KHDRBS3: variants seen among roughly 807,000 people sequenced by gnomAD.
KHDRBS3 encodes KH RNA binding domain containing, signal transduction associated 3, also known as KH domain-containing, RNA-binding, signal transduction-associated protein 3.
A neutral mutation model predicts 45.6 loss-of-function variants in KHDRBS3; 23 were observed. That is an observed-to-expected ratio of 0.50 (90% CI 0.36 to 0.72). The LOEUF (loss-of-function observed/expected upper bound fraction) is 0.72, where lower values mean the gene tolerates loss of function less well. Ranked by LOEUF, KHDRBS3 falls within the 30% of genes least tolerant of loss-of-function variation. The probability of loss-of-function intolerance (pLI) is 0.00; values close to 1 mark genes in which losing one functional copy is unlikely to be tolerated. For synonymous variants in KHDRBS3, 162 were observed against 156.5 expected (o/e 1.04, Z -0.26); for missense variants, 352 against 424.8 (o/e 0.83, Z 1.51).
intron 5 of KHDRBS3, among the ~76,000 whole-genome samples, chr8:135,563,657 G>C (rs73712064): frequency 0.014 from 2,097 of 152,292 alleles, 39 homozygotes; most frequent in African/African-American, 0.048. Flanking sequence ...ACATTCTTTA[G>C]CCTCTTTCTG....
At chr8:135,555,511 G>A (rs574164608) in intron 4 of KHDRBS3, among the ~76,000 whole-genome samples, 110 of 151,968 alleles carry the variant, frequency 7.2e-4, no homozygotes, top group Non-Finnish European at 1.2e-3. Flanking sequence ...TATAGTTTTA[G>A]TTATTTACAG....
At chr8:135,558,914 C>G (rs1008907853) in intron 5 of KHDRBS3, among the ~76,000 whole-genome samples, 10 of 152,128 alleles carry the variant, frequency 6.6e-5, no homozygotes, top group African/African-American at 1.7e-4. Flanking sequence ...AGGGGAGATT[C>G]CTTTCCGTGT....
intron 2 of KHDRBS3, among the ~76,000 whole-genome samples, chr8:135,521,736 A>G (rs1339333870): frequency 2.6e-5 from 4 of 151,870 alleles, no homozygotes; most frequent in Non-Finnish European, 4.4e-5. Flanking sequence ...TTTAAATGCT[A>G]TTTTTCTTTT....
intron 7 of KHDRBS3, among the ~76,000 whole-genome samples, chr8:135,615,229 G>C (rs763763365): frequency 4.0e-5 from 6 of 151,764 alleles, no homozygotes; most frequent in Non-Finnish European, 8.8e-5. Flanking sequence ...GCTGACTAAA[G>C]TTTAGCCAAG....
chr8:135,506,648 C>T (rs1368899820), intron 1 of KHDRBS3, among the ~76,000 whole-genome samples: 3 of 152,028 alleles, frequency 2.0e-5, no homozygotes, highest in Non-Finnish European at 4.4e-5. Flanking sequence ...GTGATCCTCC[C>T]GCCTCAGCCT....
chr8:135,506,306 G>T (rs939084551), intron 1 of KHDRBS3, among the ~76,000 whole-genome samples: 2 of 152,048 alleles, frequency 1.3e-5, no homozygotes, highest in African/African-American at 4.8e-5. Flanking sequence ...TAGTCAGCAG[G>T]ACAGATGATA....
At chr8:135,467,796 T>G (rs78753601) in intron 1 of KHDRBS3, among the ~76,000 whole-genome samples, 1,554 of 152,382 alleles carry the variant, frequency 0.01, 21 homozygotes, top group African/African-American at 0.033. Context: ...ACTACTTTCC[T>G]TTGGTAATTA....
intron 1 of KHDRBS3, among the ~76,000 whole-genome samples, chr8:135,498,076 T>A (rs1354950263): frequency 6.6e-6 from 1 of 152,044 alleles, no homozygotes; most frequent in African/African-American, 2.4e-5. Context: ...TAAAGGATGA[T>A]GCATGGCTCT....
At chr8:135,625,232 C>T (rs753352687) in intron 7 of KHDRBS3, 26 of 1,388,128 alleles carry the variant, frequency 1.9e-5, no homozygotes, top group Non-Finnish European at 2.7e-5. Flanking sequence ...TCAGATGTCA[C>T]AAAGCCTTCA....
At chr8:135,613,934 G>T (rs536677189) in intron 7 of KHDRBS3, among the ~76,000 whole-genome samples, 1 of 151,654 alleles carries the variant, frequency 6.6e-6, no homozygotes, top group Non-Finnish European at 1.5e-5. Context: ...ATCTTTGGAG[G>T]TTTTACAGAT....
At chr8:135,561,493 C>G (rs1048891390) in intron 5 of KHDRBS3, among the ~76,000 whole-genome samples, 28 of 151,766 alleles carry the variant, frequency 1.8e-4, no homozygotes, top group African/African-American at 6.3e-4. Flanking sequence ...AACCTCTCCT[C>G]TCTGCTTGGT....
chr8:135,600,735 G>T (rs1829171772), intron 6 of KHDRBS3, among the ~76,000 whole-genome samples: 1 of 152,190 alleles, frequency 6.6e-6, no homozygotes, highest in African/African-American at 2.4e-5. Context: ...ATCCAGACTG[G>T]AATGCAGTGG....
chr8:135,650,020 T>G (rs552933164), downstream of KHDRBS3, among the ~76,000 whole-genome samples: 1 of 152,268 alleles, frequency 6.6e-6, no homozygotes, highest in East Asian at 1.9e-4. Context: ...AAGCCAGTCT[T>G]CTCACGTCTC....
chr8:135,471,555 G>A (rs572878013), intron 1 of KHDRBS3, among the ~76,000 whole-genome samples: 1 of 152,330 alleles, frequency 6.6e-6, no homozygotes, highest in East Asian at 1.9e-4. Flanking sequence ...TGGAAGGGCT[G>A]TAATAAAGAC....
intron 4 of KHDRBS3, among the ~76,000 whole-genome samples, chr8:135,550,142 T>G (rs1380069346): frequency 2.6e-5 from 4 of 152,108 alleles, no homozygotes; most frequent in African/African-American, 9.7e-5. Flanking sequence ...AGGAGTAAGT[T>G]TTGGTGATCA....
chr8:135,642,938 G>A (rs532704279), intron 7 of KHDRBS3, among the ~76,000 whole-genome samples: 11 of 151,882 alleles, frequency 7.2e-5, no homozygotes, highest in Non-Finnish European at 1.2e-4. Flanking sequence ...GACTACAGAC[G>A]TCACCACACC....
At chr8:135,531,279 T>C (rs1170853259) in intron 2 of KHDRBS3, among the ~76,000 whole-genome samples, 3 of 152,148 alleles carry the variant, frequency 2.0e-5, no homozygotes, top group Non-Finnish European at 2.9e-5. Context: ...CATTTAGAAA[T>C]GGATATTAGG....
intron 7 of KHDRBS3, among the ~76,000 whole-genome samples, chr8:135,615,758 G>A (rs1052976115): frequency 7.2e-5 from 11 of 152,146 alleles, no homozygotes; most frequent in African/African-American, 1.9e-4. Flanking sequence ...ATGAAGTCAC[G>A]AACAGGATAG....
chr8:135,585,631 G>A (rs1050100863), intron 6 of KHDRBS3, among the ~76,000 whole-genome samples: 2 of 152,102 alleles, frequency 1.3e-5, no homozygotes, highest in Non-Finnish European at 2.9e-5. Context: ...CACCACAGAT[G>A]CCTTCTGTGT....
Sources: allele counts gnomAD v4.1 joint callset (sites outside exome capture counted in the v4.1 genomes callset), GRCh38; gene constraint gnomAD v4.1.1; transcripts MANE v1.5; gene names NCBI Gene and HGNC (gene_info 2026-07-23, HGNC 2026-07-21).